ENDOV: variants seen among roughly 807,000 people sequenced by gnomAD.
ENDOV encodes endonuclease V, also known as hEndoV.
In ENDOV, 37 loss-of-function variants were observed where a neutral mutation model predicts 39.4. That is an observed-to-expected ratio of 0.94 (90% CI 0.72 to 1.23). The LOEUF is 1.23. ENDOV is among the 50% of genes most tolerant of loss of function. ENDOV has a pLI of 0.00. For missense variants in ENDOV, 441 were observed against 375.7 expected (o/e 1.17, Z -1.44); for synonymous variants, 186 against 163.4 (o/e 1.14, Z -1.05).
intron 9 of ENDOV, among the ~76,000 whole-genome samples, chr17:80,431,045 A>T (rs929141724): frequency 3.9e-5 from 6 of 152,336 alleles, no homozygotes; most frequent in Admixed American, 6.5e-5. Flanking sequence ...GGATGCTGGA[A>T]TCTGCCACAG....
chr17:80,415,201 C>G lies in ENDOV; in HGVS notation c.7C>G (p.Leu3Val), dbSNP rs769015056. Residue 3 changes from leucine to valine, a missense_variant, in exon 1 of 10, where the codon CTG (leucine) becomes GTG (valine). Transcript: ENST00000518137. MA[L>V]EAAGGPPEET... ...GGGTGCCCGGGACGAAGCCATGGCC[C>G]TGGAGGCGGCGGGAGGGCCGCCGGA... 4 of 1,613,326 alleles carry G rather than the reference C, an allele frequency of 2.5e-6. No individual in the cohort carries two copies. The highest frequency in any genetic ancestry group is 3.4e-6 in the Non-Finnish European group (4 of 1,179,692).
At chr17:80,416,571 C>T (rs1176214292) in intron 2 of ENDOV, among the ~76,000 whole-genome samples, 1 of 152,188 alleles carries the variant, frequency 6.6e-6, no homozygotes, top group African/African-American at 2.4e-5. Context: ...CTGTGGGTTC[C>T]TGAGCAGCAT....
At chr17:80,432,984 C>T (rs1459924944) in intron 9 of ENDOV, among the ~76,000 whole-genome samples, 1 of 152,176 alleles carries the variant, frequency 6.6e-6, no homozygotes, top group Non-Finnish European at 1.5e-5. Context: ...ATGTGTGTGC[C>T]CCAAGCCAGT....
At chr17:80,429,907 G>C in intron 9 of ENDOV, 76 bp downstream of exon 9, 1 of 1,609,558 alleles carries the variant, frequency 6.2e-7, no homozygotes, top group Non-Finnish European at 8.5e-7. Flanking sequence ...GAGCAGGCGG[G>C]CAAGGACTGG....
In ENDOV at chr17:80,428,607, C is replaced by G. The variant is rs1318904884; in HGVS notation, c.726C>G (p.Cys242Trp). Residue 242 changes from cysteine to tryptophan, a missense_variant, in exon 8 of 10, where the codon TGC (cysteine) becomes TGG (tryptophan). By Grantham distance (215) the Cys-to-Trp change is radical (BLOSUM62 -2). Transcript: ENST00000518137. Reference protein sequence around the residue: ...IPEPVRQADICSREHIRKSLG... With the variant: ...IPEPVRQADIWSREHIRKSLG... Reference sequence around the variant, plus strand: ...TCTGTCTCCCCCAGGCTGACATCTGCTCCCGAGAGCACATCCGCAAGTCGC... The same window carrying G: ...TCTGTCTCCCCCAGGCTGACATCTGGTCCCGAGAGCACATCCGCAAGTCGC... 2 of 1,584,072 alleles carry G rather than the reference C, an allele frequency of 1.3e-6. No homozygotes were observed. The highest frequency in any genetic ancestry group is 3.5e-5 in the Admixed American group (2 of 56,434).
intron 1 of ENDOV, 124 bp from the exon 2 acceptor site, chr17:80,415,526 C>A: frequency 2.3e-6 from 3 of 1,285,290 alleles, no homozygotes; most frequent in Non-Finnish European, 3.2e-6. Context: ...GCGGTATGTC[C>A]CTTGCTTTCC....
chr17:80,436,374 G>A lies in ENDOV; in HGVS notation c.*231G>A. 6.8e-7 allele frequency: 1 copy of A among 1,468,004 alleles called. No homozygotes were observed. Among genetic ancestry groups the A allele is most frequent in the Non-Finnish European group, 9.1e-7 (1 of 1,104,036 alleles). The allele number at this position is 1,468,004 out of a possible 1,614,324, so 90.9% of individuals were successfully genotyped here. A position where few individuals can be genotyped will look rare whatever the true frequency, so the allele number is the denominator to read the frequency against. ...TCCTGATCTTAAGGGAACGTTTGCA[G>A]TCTTTCACCACTAGATGTGATGTGA... On this transcript the variant is annotated 3_prime_UTR_variant, in exon 10 of 10. Coordinates refer to ENST00000518137, the MANE Select transcript of ENDOV (RefSeq NM_173627.5).
chr17:80,428,320 C>T (rs1302186967), intron 7 of ENDOV: 2 of 484,416 alleles, frequency 4.1e-6, no homozygotes, highest in East Asian at 3.7e-5. Flanking sequence ...AGGACCCCCT[C>T]ACTCAGCCTG....
intron 7 of ENDOV, among the ~76,000 whole-genome samples, chr17:80,426,390 T>A (rs1208334753): frequency 2.0e-5 from 3 of 152,216 alleles, no homozygotes; most frequent in Non-Finnish European, 2.9e-5. Flanking sequence ...GGCTCACGCC[T>A]GTAACCCCAA....
chr17:80,432,751 T>C lies in ENDOV; in HGVS notation c.838+2920T>C, dbSNP rs563048025. ...GGGGACCTTGCCTCAAGCAGAGTCG[T>C]GGGAGATGGAGTCATGGGGGCGTGT... On this transcript the variant is annotated intron_variant, in intron 9 of 9. Coordinates refer to ENST00000518137, the MANE Select transcript of ENDOV (RefSeq NM_173627.5). 3.9e-5 allele frequency among the ~76,000 whole-genome samples: 6 copies of C among 152,020 alleles called. No homozygotes were observed. In the East Asian group the frequency reaches 9.7e-4, roughly 25 times the overall value.
chr17:80,421,757 C>T, intron 2 of ENDOV, 71 bp from the exon 3 acceptor site: 1 of 1,533,084 alleles, frequency 6.5e-7, no homozygotes, highest in Non-Finnish European at 8.8e-7. Flanking sequence ...GGGGGCAGGG[C>T]ATGGACGGAC....
Position 80,419,733 on chromosome 17 carries a change from C to T in ENDOV, c.229-2095C>T, listed in dbSNP as rs572655185. ...AGCTTCTTCACTGGTCAGTGGCCCT[C>T]TGGTCATGCCCTCCGTTCACACAAT... On this transcript the variant is annotated intron_variant, in intron 2 of 9. Transcript: ENST00000518137. 415 of 697,112 alleles carry T rather than the reference C, an allele frequency of 6.0e-4. 4 individuals are homozygous for T. In the South Asian group the frequency reaches 6.0e-3, roughly 10 times the overall value. 43.2% of individuals were successfully genotyped at this position (697,112 alleles called of 1,614,324 possible). A position where few individuals can be genotyped will look rare whatever the true frequency, so the allele number is the denominator to read the frequency against.
rs8080424 is a variant in ENDOV, at chr17:80,436,561, C to T, written c.*418C>T. The T allele has an allele frequency of 0.032, 9,956 of 313,804 alleles. 950 individuals are homozygous for T. Among genetic ancestry groups the T allele is most frequent in the African/African-American group, 0.2 (9,345 of 46,296 alleles). 19.4% of individuals were successfully genotyped at this position (313,804 alleles called of 1,614,324 possible). A position where few individuals can be genotyped will look rare whatever the true frequency, so the allele number is the denominator to read the frequency against. The stretch of plus-strand genomic sequence containing the variant: ...GTTCTTCTGTGAATATGAGGTGTTA[C>T]ATTGATTGATTTTCATATGTTGAGC... On this transcript the variant is annotated 3_prime_UTR_variant, in exon 10 of 10. Transcript: ENST00000518137.
At chr17:80,419,418 C>A (rs1418783912) in intron 2 of ENDOV, 1 of 610,048 alleles carries the variant, frequency 1.6e-6, no homozygotes, top group South Asian at 1.9e-5. Flanking sequence ...TGTGCTGCTC[C>A]GCAGGCCTCT....
intron 2 of ENDOV, 61 bp downstream of exon 2, chr17:80,415,882 C>T (rs1193536278): frequency 2.0e-6 from 3 of 1,537,618 alleles, no homozygotes; most frequent in Admixed American, 2.1e-5. Context: ...CGTGCGGTCT[C>T]CGGGACAGGG....
chr17:80,433,470 T>G (rs1455005119), intron 9 of ENDOV, among the ~76,000 whole-genome samples: 1 of 152,196 alleles, frequency 6.6e-6, no homozygotes, highest in Non-Finnish European at 1.5e-5. Flanking sequence ...TGGCAGCTCC[T>G]CACGCCATCC....
rs183022793 is a variant in ENDOV, at chr17:80,421,726, T to G, written c.229-102T>G. ...GGGAAGGGGAGCCATGAGGGTGACG[T>G]AAGGGAGAGGGAAGGATGAGGGGGG... On this transcript the variant is annotated intron_variant, in intron 2 of 9. Transcript: ENST00000518137. The G allele has an allele frequency of 1.6e-4, 231 of 1,441,676 alleles. 1 individual carries two copies. In the African/African-American group the frequency reaches 2.1e-3, roughly 13 times the overall value. The allele number at this position is 1,441,676 out of a possible 1,614,324, so 89.3% of individuals were successfully genotyped here.
intron 2 of ENDOV, among the ~76,000 whole-genome samples, chr17:80,421,212 G>A (rs1039788372): frequency 2.7e-5 from 4 of 148,812 alleles, no homozygotes; most frequent in Admixed American, 2.0e-4. Flanking sequence ...CTAGATTCCA[G>A]GGAATCCTTC....
chr17:80,423,398 C>G, intron 4 of ENDOV, 122 bp from the exon 5 acceptor site: 3 of 938,478 alleles, frequency 3.2e-6, no homozygotes, highest in Non-Finnish European at 4.7e-6. Context: ...TTCCCCAGCC[C>G]TCTGCCTGTC....
Sources: allele counts gnomAD v4.1 joint callset (sites outside exome capture counted in the v4.1 genomes callset), GRCh38; gene constraint gnomAD v4.1.1; transcripts MANE v1.5; gene names NCBI Gene and HGNC (gene_info 2026-07-23, HGNC 2026-07-21).